The following CNTNAP2 variants were observed in gnomAD, a reference collection of about 807,000 sequenced individuals.
CNTNAP2 encodes the protein contactin associated protein 2, also known as contactin-associated protein-like 2.
Under a neutral mutation model 155.2 loss-of-function variants are expected in CNTNAP2, and 98 were observed. The observed-to-expected ratio is 0.63, with a 90% confidence interval of 0.54 to 0.75. The LOEUF is 0.75. Among genes scored for constraint, CNTNAP2 ranks in the 30% least tolerant of loss-of-function variants. The pLI is 0.00. For synonymous variants in CNTNAP2, 651 were observed against 631.2 expected (o/e 1.03, Z -0.47); for missense variants, 1,727 against 1,688.1 (o/e 1.02, Z -0.40).
At chr7:147,285,958 A>T (rs1043023243) in intron 8 of CNTNAP2, among the ~76,000 whole-genome samples, 2 of 152,068 alleles carry the variant, frequency 1.3e-5, no homozygotes, top group Non-Finnish European at 2.9e-5. Context: ...AAAGCTATGT[A>T]ACTCTGATTT....
chr7:146,885,965 GTGTGTGTGTA>G (rs746350473), intron 3 of CNTNAP2, among the ~76,000 whole-genome samples: 3,756 of 136,484 alleles, frequency 0.028, 51 homozygotes, highest in African/African-American at 0.045. Flanking sequence ...GTGTGTGTGT[GTGTGTGTGTA>G]TGTGCTTTCC....
At chr7:148,119,648 T>C (rs1198605578) in intron 16 of CNTNAP2, among the ~76,000 whole-genome samples, 2 of 152,236 alleles carry the variant, frequency 1.3e-5, no homozygotes, top group Non-Finnish European at 2.9e-5. Context: ...TGAAATGCTA[T>C]TGGATTCACA....
Position 147,417,785 on chromosome 7 carries a change from G to A in CNTNAP2, c.1670+22005G>A, listed in dbSNP as rs190488560. Among the ~76,000 whole-genome samples the A allele has an allele frequency of 6.6e-5, 10 of 152,204 alleles. No individual in the cohort carries two copies. The East Asian group carries it at 1.9e-3, about 29-fold the overall frequency. ...CTGCATACTAATTAAAGCTCAAGGAGCCCCAGGCAAGAAAGAAAGATAAGC... is the reference window on the plus strand; with the variant it reads ...CTGCATACTAATTAAAGCTCAAGGAACCCCAGGCAAGAAAGAAAGATAAGC... On this transcript the variant is annotated intron_variant, in intron 10 of 23. Coordinates refer to ENST00000361727, the MANE Select transcript of CNTNAP2 (RefSeq NM_014141.6).
chr7:147,753,725 C>T (rs1025401899), intron 13 of CNTNAP2, among the ~76,000 whole-genome samples: 5 of 152,130 alleles, frequency 3.3e-5, no homozygotes, highest in Non-Finnish European at 5.9e-5. Context: ...GAAGGTCGCA[C>T]AATTCACTAC....
In CNTNAP2 at chr7:146,148,127, A is replaced by T. The variant is rs565843342; in HGVS notation, c.97+31154A>T. 2.0e-5 allele frequency among the ~76,000 whole-genome samples: 3 copies of T among 152,284 alleles called. No homozygotes were observed. The East Asian group carries it at 5.8e-4, about 29-fold the overall frequency. ...TTCTATAGTGCTCACCTTGATGAGC[A>T]TCACAATGATGTTCTTTTATTTTTA... On this transcript the variant is annotated intron_variant, in intron 1 of 23. Coordinates refer to ENST00000361727, the MANE Select transcript of CNTNAP2 (RefSeq NM_014141.6).
intron 9 of CNTNAP2, among the ~76,000 whole-genome samples, chr7:147,354,242 T>A (rs541712798): frequency 6.6e-6 from 1 of 152,260 alleles, no homozygotes; most frequent in South Asian, 2.1e-4. Flanking sequence ...TTTCCTAGGT[T>A]TTCGTCTAGG....
At chr7:147,788,387 G>A (rs1797768637) in intron 13 of CNTNAP2, among the ~76,000 whole-genome samples, 2 of 152,186 alleles carry the variant, frequency 1.3e-5, no homozygotes, top group African/African-American at 4.8e-5. Context: ...ATAGTGGGGT[G>A]TGGCTTGAAT....
At chr7:146,254,913 A>G (rs1482801529) in intron 1 of CNTNAP2, among the ~76,000 whole-genome samples, 1 of 152,146 alleles carries the variant, frequency 6.6e-6, no homozygotes, top group Non-Finnish European at 1.5e-5. Context: ...AACATTACAG[A>G]CAACTTAAAT....
At position 148,112,851 on chromosome 7, in the gene CNTNAP2, C is replaced by T. The variant is rs115836319; in HGVS notation, c.2384-5267C>T. Reference sequence around the variant, plus strand: ...AAAAGGTATAAATCAATAAGTAGCTCCAGAGGTTTTTTTTTTTAAAAAAAA... The same window carrying T: ...AAAAGGTATAAATCAATAAGTAGCTTCAGAGGTTTTTTTTTTTAAAAAAAA... On this transcript the variant is annotated intron_variant, in intron 15 of 23. Coordinates refer to ENST00000361727, the MANE Select transcript of CNTNAP2 (RefSeq NM_014141.6). Among the ~76,000 whole-genome samples the T allele has an allele frequency of 1.3e-3, 190 of 148,462 alleles. 1 individual carries two copies. The highest frequency in any genetic ancestry group is 4.5e-3 in the African/African-American group (184 of 40,924).
At chr7:146,925,999 G>A (rs1427168267) in intron 3 of CNTNAP2, among the ~76,000 whole-genome samples, 1 of 152,042 alleles carries the variant, frequency 6.6e-6, no homozygotes, top group Non-Finnish European at 1.5e-5. Context: ...CAAACTGGAA[G>A]ACCAGCCGTT....
intron 10 of CNTNAP2, among the ~76,000 whole-genome samples, chr7:147,421,617 GC>G: frequency 6.7e-6 from 1 of 150,214 alleles, no homozygotes; most frequent in East Asian, 2.0e-4. Context: ...GTGTGTGTAT[GC>G]TGAGATATAT....
chr7:147,837,566 A>G (rs1046561661), intron 13 of CNTNAP2, among the ~76,000 whole-genome samples: 7 of 152,092 alleles, frequency 4.6e-5, no homozygotes, highest in East Asian at 3.9e-4. Flanking sequence ...CATTAACTCA[A>G]AAGTCCACAG....
chr7:146,866,318 C>T (rs1170724226), intron 3 of CNTNAP2, among the ~76,000 whole-genome samples: 1 of 151,922 alleles, frequency 6.6e-6, no homozygotes, highest in Non-Finnish European at 1.5e-5. Context: ...AAATATTTAT[C>T]TCATTGTTTT....
intron 1 of CNTNAP2, among the ~76,000 whole-genome samples, chr7:146,698,132 C>T (rs1052868507): frequency 2.6e-5 from 4 of 152,056 alleles, no homozygotes; most frequent in Non-Finnish European, 4.4e-5. Flanking sequence ...ATTCATTTCT[C>T]ATTTATCTGT....
chr7:146,330,784 A>T (rs921040771), intron 1 of CNTNAP2, among the ~76,000 whole-genome samples: 3 of 152,214 alleles, frequency 2.0e-5, no homozygotes, highest in Non-Finnish European at 4.4e-5. Flanking sequence ...GGGAAATGTT[A>T]AAGGCAGCTA....
chr7:146,911,062 T>C (rs1459028475), intron 3 of CNTNAP2, among the ~76,000 whole-genome samples: 2 of 151,964 alleles, frequency 1.3e-5, no homozygotes, highest in Admixed American at 1.3e-4. Flanking sequence ...AAAATGCTCA[T>C]CATCACTGGC....
intron 10 of CNTNAP2, among the ~76,000 whole-genome samples, chr7:147,455,923 A>G (rs920945465): frequency 1.2e-4 from 18 of 152,164 alleles, no homozygotes; most frequent in Non-Finnish European, 1.8e-4. Context: ...GAGTAAAGCA[A>G]TATCATAATC....
At chr7:146,921,496 A>G (rs1796496260) in intron 3 of CNTNAP2, among the ~76,000 whole-genome samples, 1 of 152,118 alleles carries the variant, frequency 6.6e-6, no homozygotes, top group South Asian at 2.1e-4. Flanking sequence ...TTATTTTAAA[A>G]TAGGGGTTTA....
intron 12 of CNTNAP2, among the ~76,000 whole-genome samples, chr7:147,589,449 C>T (rs1464247334): frequency 6.6e-6 from 1 of 152,142 alleles, no homozygotes; most frequent in Non-Finnish European, 1.5e-5. Flanking sequence ...ATATGCTGAA[C>T]TTATGGTCCT....
Sources: gnomAD v4.1 joint callset for allele counts (sites outside exome capture counted in the v4.1 genomes callset) on GRCh38, gnomAD v4.1.1 for gene constraint, MANE v1.5 for transcripts, NCBI Gene and HGNC (gene_info 2026-07-23, HGNC 2026-07-21) for gene names.